Variants in CPZ observed in about 807,000 individuals in gnomAD.
CPZ encodes the protein carboxypeptidase Z.
CPZ carries 103 observed loss-of-function variants against 61.8 expected under a neutral mutation model. The observed-to-expected ratio is 1.67, with a 90% CI of 1.42 to 1.96. CPZ has a LOEUF of 1.96. Ranked by LOEUF, CPZ falls within the 30% of genes most tolerant of loss-of-function variation. CPZ has a pLI of 0.00. For synonymous variants in CPZ, 551 were observed against 373.7 expected, an observed-to-expected ratio of 1.47 and a Z score of -5.47; for missense variants, 1,461 against 914.9, an observed-to-expected ratio of 1.60 and a Z score of -7.70.
intron 2 of CPZ, among the ~76,000 whole-genome samples, chr4:8,600,446 C>A (rs565357011): frequency 6.6e-5 from 10 of 152,160 alleles, no homozygotes; most frequent in South Asian, 2.1e-4. Flanking sequence ...GTGGAGCCAG[C>A]GGCTGCGGGG....
intron 5 of CPZ, among the ~76,000 whole-genome samples, chr4:8,606,400 T>TA (rs1715007699): frequency 6.6e-6 from 1 of 151,778 alleles, no homozygotes; most frequent in Non-Finnish European, 1.5e-5. Context: ...ATGCGTGTGA[T>TA]AGAGGAAAAT....
intron 7 of CPZ, among the ~76,000 whole-genome samples, chr4:8,610,796 T>G (rs914322267): frequency 1.3e-5 from 2 of 152,158 alleles, no homozygotes; most frequent in Admixed American, 1.3e-4. Context: ...CCACAGGGCC[T>G]GAGTGGGGTT....
At chr4:8,619,024 G>T (rs953818854) in intron 10 of CPZ, among the ~76,000 whole-genome samples, 1 of 151,982 alleles carries the variant, frequency 6.6e-6, no homozygotes, top group Non-Finnish European at 1.5e-5. Context: ...GGTATGGGGG[G>T]TGGGAGTGGT....
intron 4 of CPZ, among the ~76,000 whole-genome samples, chr4:8,604,858 G>T (rs979708466): frequency 6.6e-6 from 1 of 152,206 alleles, no homozygotes; most frequent in African/African-American, 2.4e-5. Context: ...TTCAGTGCTG[G>T]CAGCCTCAGC....
At chr4:8,606,545 G>C (rs1273894049) in intron 5 of CPZ, among the ~76,000 whole-genome samples, 192 bp from the exon 6 acceptor site, 4 of 152,184 alleles carry the variant, frequency 2.6e-5, no homozygotes, top group African/African-American at 4.8e-5. Context: ...AAGGCCCCAA[G>C]GCTGTGACAT....
chr4:8,619,651 C>A lies in CPZ; in HGVS notation c.*34C>A, dbSNP rs572672412. The A allele has an allele frequency of 7.0e-7, 1 of 1,436,250 alleles. No individual in the cohort carries two copies. Among genetic ancestry groups the A allele is most frequent in the Non-Finnish European group, 9.2e-7 (1 of 1,086,528 alleles). 89.0% of individuals were successfully genotyped at this position (1,436,250 alleles called of 1,614,324 possible). A position where few individuals can be genotyped will look rare whatever the true frequency, so the allele number is the denominator to read the frequency against. ...CCAGCACCCGCCAGGATGTGGAGAC[C>A]GAGGCCCATCTCCGCATCCCGGGCT... On this transcript the variant is annotated 3_prime_UTR_variant, in exon 11 of 11. Coordinates refer to ENST00000360986, the MANE Select transcript of CPZ (RefSeq NM_001014447.3).
chr4:8,600,488 C>G (rs548977915), intron 2 of CPZ, among the ~76,000 whole-genome samples: 1 of 152,312 alleles, frequency 6.6e-6, no homozygotes, highest in South Asian at 2.1e-4. Context: ...GCTGGAGGGC[C>G]CTGCTAGGCC....
intron 4 of CPZ, 42 bp from the exon 5 acceptor site, chr4:8,605,947 C>G (rs368587083): frequency 1.9e-6 from 3 of 1,584,760 alleles, no homozygotes; most frequent in Non-Finnish European, 1.7e-6. Flanking sequence ...TGGGGACCCC[C>G]GGCTTTGAGA....
At chr4:8,595,223 C>T (rs1461950923) in intron 1 of CPZ, among the ~76,000 whole-genome samples, 3 of 152,238 alleles carry the variant, frequency 2.0e-5, no homozygotes, top group African/African-American at 7.2e-5. Flanking sequence ...GATCTTGCCA[C>T]ATGTGAAGGG....
At chr4:8,606,957 T>C in intron 6 of CPZ, 59 bp downstream of exon 6, 4 of 1,518,796 alleles carry the variant, frequency 2.6e-6, no homozygotes, top group Middle Eastern at 1.8e-4. Context: ...TCCCTAGTTA[T>C]TCCAGGCTCT....
At chr4:8,597,645 G>C (rs1386066953) in intron 1 of CPZ, 1 of 152,210 alleles carries the variant, frequency 6.6e-6, no homozygotes, top group Non-Finnish European at 1.5e-5. Flanking sequence ...CCCACTCCCA[G>C]GTGCTTTAGG....
intron 7 of CPZ, chr4:8,611,036 T>C (rs1715618211): frequency 2.8e-6 from 1 of 352,244 alleles, no homozygotes; most frequent in Non-Finnish European, 5.8e-6. Flanking sequence ...CCTCACTCTT[T>C]CACTTGCTCA....
chr4:8,605,400 A>G (rs1013456487), intron 4 of CPZ, among the ~76,000 whole-genome samples: 7 of 147,274 alleles, frequency 4.8e-5, no homozygotes, highest in Non-Finnish European at 7.4e-5. Flanking sequence ...ATTCATTCAT[A>G]CATCCATGCA....
intron 5 of CPZ, among the ~76,000 whole-genome samples, chr4:8,606,447 CGGGGGGTCAG>C (rs914219229): frequency 6.6e-6 from 1 of 151,572 alleles, no homozygotes; most frequent in Non-Finnish European, 1.5e-5. Context: ...TGTGTGTCAG[CGGGGGGTCAG>C]GGTAGCTCTC....
intron 5 of CPZ, 31 bp from the exon 6 acceptor site, chr4:8,606,706 C>G: frequency 6.2e-7 from 1 of 1,613,672 alleles, no homozygotes; most frequent in Non-Finnish European, 8.5e-7. Context: ...TGTGCTGACC[C>G]CACCCAGTCG....
intron 1 of CPZ, among the ~76,000 whole-genome samples, chr4:8,596,081 T>TCC (rs61228832): frequency 1.6e-5 from 1 of 61,816 alleles, no homozygotes; most frequent in Non-Finnish European, 3.2e-5. Context: ...CAAGATAGAG[T>TCC]CTCTCTGTCA....
chr4:8,615,704 G>A (rs184106102), intron 9 of CPZ, among the ~76,000 whole-genome samples: 4 of 152,302 alleles, frequency 2.6e-5, no homozygotes, highest in Admixed American at 2.0e-4. Flanking sequence ...GCCAGAGGAG[G>A]AGACAGAGGG....
In CPZ at chr4:8,606,869, C is replaced by T; in HGVS notation, c.1039C>T (p.Pro347Ser). The T allele has an allele frequency of 6.2e-7, 1 of 1,612,894 alleles. No homozygotes were observed. The highest frequency in any genetic ancestry group is 8.5e-7 in the Non-Finnish European group (1 of 1,179,688). The stretch of plus-strand genomic sequence containing the variant: ...CCGCGGCGCACGCAGCGACCACATC[C>T]CCATCCCCCAGCACTACTGGTGGGG... ...ETRGARSDHI[P>S]IPQHYWWGKV... is the part of the protein sequence containing the mutation. The change falls in exon 6 of 11, where the codon CCC becomes TCC. Residue 347 changes from proline to serine, a missense_variant. Pro to Ser is a moderately conservative substitution (Grantham distance 74). Transcript: ENST00000360986.
chr4:8,599,658 C>G, intron 2 of CPZ, 173 bp downstream of exon 2: 1 of 1,433,794 alleles, frequency 7.0e-7, no homozygotes, highest in African/African-American at 1.4e-5. Flanking sequence ...TTAGACATAA[C>G]AAAAAAAGAC....
Sources: gnomAD v4.1 joint callset for allele counts (sites outside exome capture counted in the v4.1 genomes callset) on GRCh38, gnomAD v4.1.1 for gene constraint, MANE v1.5 for transcripts, NCBI Gene and HGNC (gene_info 2026-07-23, HGNC 2026-07-21) for gene names.